TBC1D22A: variants seen among roughly 807,000 people sequenced by gnomAD.
TBC1D22A encodes TBC1 domain family member 22A, also known as putative GTPase activator.
Under a neutral mutation model 60.2 loss-of-function variants are expected in TBC1D22A, and 38 were observed. That is an observed-to-expected ratio of 0.63 (90% CI 0.49 to 0.83). The LOEUF is 0.83. Ranked by LOEUF, TBC1D22A falls within the 40% of genes least tolerant of loss-of-function variation. The pLI is 0.00. For missense variants in TBC1D22A, 628 were observed against 701.0 expected (o/e 0.90, Z 1.18); for synonymous variants, 302 against 281.7 (o/e 1.07, Z -0.72).
chr22:46,927,047 C>T (rs900845853), intron 8 of TBC1D22A, among the ~76,000 whole-genome samples: 2 of 152,166 alleles, frequency 1.3e-5, no homozygotes, highest in Non-Finnish European at 2.9e-5. Context: ...AACACTCTTT[C>T]TTCATAGACT....
chr22:46,928,286 A>G (rs1214880966), intron 8 of TBC1D22A, among the ~76,000 whole-genome samples: 2 of 152,252 alleles, frequency 1.3e-5, no homozygotes, highest in South Asian at 2.1e-4. Context: ...TTTATGGTCA[A>G]TTGATTTCTG....
At chr22:47,018,245 T>G (rs2061968102) in intron 10 of TBC1D22A, among the ~76,000 whole-genome samples, 1 of 152,260 alleles carries the variant, frequency 6.6e-6, no homozygotes. Context: ...TTCCCTGTGT[T>G]TCGTCTGCAG....
At chr22:46,882,318 C>T (rs941335138) in intron 5 of TBC1D22A, among the ~76,000 whole-genome samples, 8 of 152,148 alleles carry the variant, frequency 5.3e-5, no homozygotes, top group African/African-American at 1.9e-4. Context: ...CTGCCTTCTT[C>T]ACCTGTGGGT....
chr22:46,838,274 T>A (rs2086604980), intron 4 of TBC1D22A, among the ~76,000 whole-genome samples: 1 of 152,066 alleles, frequency 6.6e-6, no homozygotes, highest in Non-Finnish European at 1.5e-5. Flanking sequence ...TTAGCTAGAC[T>A]AAGAAAAAAG....
chr22:47,135,667 T>C (rs1187427220), intron 12 of TBC1D22A, among the ~76,000 whole-genome samples: 1 of 152,222 alleles, frequency 6.6e-6, no homozygotes, highest in East Asian at 1.9e-4. Context: ...AAGGTGATTC[T>C]GCAATACTTC....
At chr22:46,810,185 C>G (rs1217063766) in intron 4 of TBC1D22A, among the ~76,000 whole-genome samples, 1 of 152,218 alleles carries the variant, frequency 6.6e-6, no homozygotes, top group Admixed American at 6.5e-5. Context: ...TTGATTTCTA[C>G]TCTATTTACC....
intron 4 of TBC1D22A, among the ~76,000 whole-genome samples, chr22:46,815,343 G>T (rs1387508142): frequency 6.6e-6 from 1 of 152,178 alleles, no homozygotes; most frequent in Non-Finnish European, 1.5e-5. Flanking sequence ...GATAGCCGCT[G>T]TTGACTTAAT....
chr22:47,004,367 C>T (rs953606072), intron 10 of TBC1D22A, among the ~76,000 whole-genome samples: 6 of 150,610 alleles, frequency 4.0e-5, no homozygotes, highest in African/African-American at 1.5e-4. Context: ...TACATACACT[C>T]CTATATACAC....
At chr22:46,885,908 A>ATTTT (rs60941179) in intron 5 of TBC1D22A, among the ~76,000 whole-genome samples, 8 of 138,856 alleles carry the variant, frequency 5.8e-5, no homozygotes, top group African/African-American at 1.7e-4. Context: ...TACTGTTAGA[A>ATTTT]TTTTTTTTTT....
At chr22:47,075,452 G>A (rs573528859) in intron 11 of TBC1D22A, among the ~76,000 whole-genome samples, 1 of 152,276 alleles carries the variant, frequency 6.6e-6, no homozygotes, top group South Asian at 2.1e-4. Context: ...GGAGGCTGAA[G>A]TGGTAGGATT....
chr22:46,908,974 C>T (rs6009047), intron 7 of TBC1D22A, among the ~76,000 whole-genome samples: 79,484 of 151,864 alleles, frequency 0.52, 23,080 homozygotes, highest in African/African-American at 0.78. Flanking sequence ...GAGTCGAGGC[C>T]CCGGCCTGCG....
intron 9 of TBC1D22A, among the ~76,000 whole-genome samples, chr22:46,984,776 G>A (rs779364386): frequency 3.3e-5 from 5 of 152,230 alleles, no homozygotes; most frequent in Non-Finnish European, 7.3e-5. Flanking sequence ...GAAACGCAGT[G>A]GCGTCATGAC....
chr22:46,875,048 A>G (rs567892781), intron 4 of TBC1D22A, among the ~76,000 whole-genome samples: 1 of 152,138 alleles, frequency 6.6e-6, no homozygotes, highest in South Asian at 2.1e-4. Flanking sequence ...CAGCAGTTCC[A>G]CTCCTTCACA....
chr22:47,024,747 C>T (rs1273137786), intron 10 of TBC1D22A, among the ~76,000 whole-genome samples: 2 of 151,964 alleles, frequency 1.3e-5, no homozygotes, highest in South Asian at 4.2e-4. Context: ...GGCCTAGCCA[C>T]GCGGGAGGCT....
intron 12 of TBC1D22A, among the ~76,000 whole-genome samples, chr22:47,168,298 T>C (rs1172430309): frequency 1.4e-5 from 2 of 144,232 alleles, no homozygotes; most frequent in African/African-American, 5.5e-5. Flanking sequence ...GTGGTGGAGA[T>C]GCTGGGGAGA....
intron 8 of TBC1D22A, among the ~76,000 whole-genome samples, chr22:46,971,913 G>T (rs1023962405): frequency 6.6e-6 from 1 of 152,230 alleles, no homozygotes; most frequent in African/African-American, 2.4e-5. Flanking sequence ...ACTTGCTGGA[G>T]GGAGAGCCTG....
chr22:46,826,145 T>G (rs1342624129), intron 4 of TBC1D22A, among the ~76,000 whole-genome samples: 2 of 152,256 alleles, frequency 1.3e-5, no homozygotes, highest in Non-Finnish European at 2.9e-5. Flanking sequence ...CCTCCCAAAG[T>G]GCTGGGATTA....
At chr22:46,906,553 T>G (rs1107134) in intron 7 of TBC1D22A, among the ~76,000 whole-genome samples, 61,901 of 151,748 alleles carry the variant, frequency 0.41, 15,400 homozygotes, top group African/African-American at 0.68. Context: ...GCGGGAGCAC[T>G]CACCATGGGT....
At chr22:46,845,314 C>T (rs1468642719) in intron 4 of TBC1D22A, among the ~76,000 whole-genome samples, 2 of 152,164 alleles carry the variant, frequency 1.3e-5, no homozygotes, top group African/African-American at 4.8e-5. Context: ...TTTCAGTCTT[C>T]TACATGGATC....
Sources: gnomAD v4.1 joint callset for allele counts (sites outside exome capture counted in the v4.1 genomes callset) on GRCh38, gnomAD v4.1.1 for gene constraint, MANE v1.5 for transcripts, NCBI Gene and HGNC (gene_info 2026-07-23, HGNC 2026-07-21) for gene names.